Variants in MEIS2 observed in about 807,000 individuals in gnomAD.
The protein encoded by MEIS2 is homeobox protein Meis2.
In MEIS2, 9 loss-of-function variants were observed where a neutral mutation model predicts 58.6. The ratio of observed to expected loss-of-function variants is 0.15; its 90% CI spans 0.09 to 0.27. The LOEUF (loss-of-function observed/expected upper bound fraction) is 0.27, where lower values mean the gene tolerates loss of function less well. Among genes scored for constraint, MEIS2 ranks in the 10% least tolerant of loss-of-function variants. The pLI, the probability that MEIS2 is intolerant of heterozygous loss-of-function variation, is 1.00. For missense variants in MEIS2, 427 were observed against 635.0 expected (o/e 0.67, Z 3.52); for synonymous variants, 221 against 228.4 (o/e 0.97, Z 0.29).
chr15:37,032,159 C>T (rs149414280), intron 8 of MEIS2, among the ~76,000 whole-genome samples: 1 of 152,244 alleles, frequency 6.6e-6, no homozygotes, highest in Non-Finnish European at 1.5e-5. Flanking sequence ...AAAGAAGTCC[C>T]ACATCTGCTA....
intron 9 of MEIS2, among the ~76,000 whole-genome samples, chr15:36,909,938 CAAAGGAG>C (rs1168497223): frequency 6.6e-6 from 1 of 151,938 alleles, no homozygotes; most frequent in Non-Finnish European, 1.5e-5. Flanking sequence ...GGAAAGGAGA[CAAAGGAG>C]AAATAGAGGC....
At chr15:36,965,637 T>C (rs1490849510) in intron 8 of MEIS2, among the ~76,000 whole-genome samples, 2 of 152,096 alleles carry the variant, frequency 1.3e-5, no homozygotes, top group Non-Finnish European at 2.9e-5. Flanking sequence ...TTTATATGTC[T>C]CCCACCAGAA....
intron 7 of MEIS2, among the ~76,000 whole-genome samples, chr15:37,053,856 T>C (rs191705424): frequency 1.2e-4 from 19 of 152,364 alleles, no homozygotes; most frequent in Non-Finnish European, 1.8e-4. Context: ...GTGAGACTTA[T>C]GTTCTAAACT....
At chr15:36,931,658 T>G (rs566709596) in intron 9 of MEIS2, among the ~76,000 whole-genome samples, 2 of 152,184 alleles carry the variant, frequency 1.3e-5, no homozygotes, top group African/African-American at 4.8e-5. Context: ...GTTGGGCCTA[T>G]GCATCACAGA....
intron 5 of MEIS2, 85 bp from the exon 6 acceptor site, chr15:37,093,815 G>A: frequency 6.4e-7 from 1 of 1,570,410 alleles, no homozygotes; most frequent in Non-Finnish European, 8.7e-7. Flanking sequence ...AAAATACCAG[G>A]TTGCAAGGTT....
intron 9 of MEIS2, among the ~76,000 whole-genome samples, chr15:36,900,440 C>G (rs1384744018): frequency 2.6e-5 from 4 of 152,238 alleles, no homozygotes; most frequent in Non-Finnish European, 5.9e-5. Flanking sequence ...AGACTATCTA[C>G]TTTTTCTCTA....
At chr15:36,925,314 T>C (rs1367759770) in intron 9 of MEIS2, among the ~76,000 whole-genome samples, 1 of 152,170 alleles carries the variant, frequency 6.6e-6, no homozygotes, top group East Asian at 1.9e-4. Context: ...GGCAACGTCC[T>C]TACGAAGAGA....
intron 9 of MEIS2, among the ~76,000 whole-genome samples, chr15:36,929,006 T>G (rs896400483): frequency 2.6e-5 from 4 of 152,190 alleles, no homozygotes; most frequent in African/African-American, 9.7e-5. Flanking sequence ...ATTATTCCAT[T>G]ATAAACATTT....
chr15:37,084,265 T>G (rs911561878), intron 6 of MEIS2, among the ~76,000 whole-genome samples: 1 of 152,148 alleles, frequency 6.6e-6, no homozygotes, highest in African/African-American at 2.4e-5. Flanking sequence ...GGGTACATTC[T>G]ACTAAGAAAT....
chr15:37,101,125 TC>T (rs1319329086), upstream of MEIS2: 4 of 151,976 alleles, frequency 2.6e-5, no homozygotes, highest in Non-Finnish European at 5.9e-5. Flanking sequence ...TCTGCGCAGA[TC>T]CAGCAACCTT....
intron 8 of MEIS2, among the ~76,000 whole-genome samples, chr15:36,956,021 CAAAAAAAAAAAAAA>C (rs757524401): frequency 2.1e-5 from 1 of 46,618 alleles, no homozygotes; most frequent in Non-Finnish European, 3.8e-5. Context: ...ACTAAAAATA[CAAAAAAAAAAAAAA>C]AAAAAAAAAA....
chr15:37,097,930 TCA>T, intron 2 of MEIS2, 35 bp downstream of exon 2: 2 of 1,555,328 alleles, frequency 1.3e-6, no homozygotes, highest in Non-Finnish European at 1.7e-6. Flanking sequence ...ACTCTCACAC[TCA>T]CACACAGTAA....
chr15:37,017,761 A>G (rs2061398376), intron 8 of MEIS2, among the ~76,000 whole-genome samples: 1 of 152,238 alleles, frequency 6.6e-6, no homozygotes, highest in South Asian at 2.1e-4. Context: ...ACCTAGCAAC[A>G]GTACAAGTCC....
intron 8 of MEIS2, among the ~76,000 whole-genome samples, chr15:36,970,346 G>A (rs910249319): frequency 6.6e-6 from 1 of 151,738 alleles, no homozygotes; most frequent in Admixed American, 6.6e-5. Flanking sequence ...GGAGCTTGCA[G>A]TGAGCCGAGA....
chr15:37,096,326 T>C lies in MEIS2; in HGVS notation c.350A>G (p.Asp117Gly). 6.2e-7 allele frequency: 1 copy of C among 1,611,424 alleles called. No homozygotes were observed. Among genetic ancestry groups the C allele is most frequent in the Non-Finnish European group, 8.5e-7 (1 of 1,178,964 alleles). The change falls in exon 3 of 12, where the codon GAC (aspartate) becomes GGC (glycine). Residue 117 changes from aspartate (D) to glycine (G), a missense_variant. By Grantham distance (94) the Asp-to-Gly change is moderately conservative. Coordinates refer to ENST00000561208, the MANE Select transcript of MEIS2 (RefSeq NM_170675.5). ...GACCGCGATGTCCTCGTTGAAGGAG[T>C]CGGAGGAGCAGACGTCTCCGCCAGC... is the stretch of plus-strand genomic sequence containing the variant. ...GVAGGDVCSSDSFNEDIAVFA... is the reference protein window; with the variant it reads ...GVAGGDVCSSGSFNEDIAVFA...
At chr15:37,067,271 G>A (rs1008367972) in intron 7 of MEIS2, among the ~76,000 whole-genome samples, 9 of 151,794 alleles carry the variant, frequency 5.9e-5, no homozygotes, top group African/African-American at 2.2e-4. Flanking sequence ...TGTATTTTTT[G>A]TAGAGACAGG....
chr15:36,990,474 T>C (rs1289324524), intron 8 of MEIS2, among the ~76,000 whole-genome samples: 1 of 152,204 alleles, frequency 6.6e-6, no homozygotes, highest in East Asian at 1.9e-4. Flanking sequence ...AGTCTCTTGT[T>C]CACTTAAATC....
intron 8 of MEIS2, among the ~76,000 whole-genome samples, chr15:36,975,892 A>T (rs1039708536): frequency 6.6e-6 from 1 of 152,198 alleles, no homozygotes; most frequent in Non-Finnish European, 1.5e-5. Flanking sequence ...AAAATAAAGT[A>T]TGTGAGGGAA....
At chr15:36,985,768 C>A (rs562193271) in intron 8 of MEIS2, among the ~76,000 whole-genome samples, 1 of 152,232 alleles carries the variant, frequency 6.6e-6, no homozygotes, top group East Asian at 1.9e-4. Context: ...AAATGATAAT[C>A]TCTCAAAGCA....
Sources: allele counts gnomAD v4.1 joint callset (sites outside exome capture counted in the v4.1 genomes callset), GRCh38; gene constraint gnomAD v4.1.1; transcripts MANE v1.5; gene names NCBI Gene and HGNC (gene_info 2026-07-23, HGNC 2026-07-21).